Variants in CD177 observed in about 807,000 individuals in gnomAD.
CD177 encodes CD177 molecule, also known as CD177 antigen.
In CD177, 41 loss-of-function variants were observed where a neutral mutation model predicts 38.1. The observed-to-expected ratio is 1.07, with a 90% CI of 0.84 to 1.39. CD177 has a LOEUF of 1.39. Among genes scored for constraint, CD177 ranks in the 40% most tolerant of loss-of-function variants. CD177 has a pLI of 0.00. For missense variants in CD177, 619 were observed against 523.8 expected, an observed-to-expected ratio of 1.18 and a Z score of -1.77; for synonymous variants, 236 against 216.7, an observed-to-expected ratio of 1.09 and a Z score of -0.78.
chr19:43,362,357 AC>A lies in CD177; in HGVS notation c.*40del, dbSNP rs746854234. The A allele has an allele frequency of 1.0e-6, 1 of 956,240 alleles. No individual in the cohort carries two copies. Among genetic ancestry groups the A allele is most frequent in the Admixed American group, 2.3e-5 (1 of 43,670 alleles). The allele number at this position is 956,240 out of a possible 1,614,324, so 59.2% of individuals were successfully genotyped here. On this transcript the variant is annotated 3_prime_UTR_variant, in exon 9 of 9. Transcript: ENST00000618265. The stretch of plus-strand genomic sequence containing the variant: ...CCACGATTCTTCACCGCTGCTGACC[AC>A]CCACACTCAACCTCCCTCTGACCTC...
rs1178101365 is a variant in CD177, at chr19:43,353,961, G to A, written c.161G>A (p.Gly54Glu). 1.9e-6 allele frequency: 3 copies of A among 1,613,864 alleles called. No individual in the cohort carries two copies. The Admixed American group carries it at 5.0e-5, about 27-fold the overall frequency. Reference protein sequence around the residue: ...PKNTSCDSGLGCQDTLMLIES... With the variant: ...PKNTSCDSGLECQDTLMLIES... ...AACACCAGCTGCGACAGCGGCTTGG[G>A]GTGCCAGGACACGTTGATGCTCATT... Residue 54 changes from glycine to glutamate, a missense_variant, in exon 2 of 9, where the codon GGG becomes GAG. Coordinates refer to ENST00000618265, the MANE Select transcript of CD177 (RefSeq NM_020406.4).
chr19:43,355,835 G>A (rs374285742), intron 4 of CD177, 52 bp downstream of exon 4: 1 of 1,610,696 alleles, frequency 6.2e-7, no homozygotes, highest in Non-Finnish European at 8.5e-7. Context: ...AAGGTCTGGG[G>A]ACTGAGATCT....
chr19:43,364,089 A>G (rs1292617049), downstream of CD177, among the ~76,000 whole-genome samples: 1 of 152,140 alleles, frequency 6.6e-6, no homozygotes, highest in African/African-American at 2.4e-5. Flanking sequence ...CTCAAGGGGG[A>G]AAAATAAATC....
At chr19:43,354,627 C>T (rs1003408517) in intron 3 of CD177, 12 of 598,172 alleles carry the variant, frequency 2.0e-5, no homozygotes, top group South Asian at 1.2e-4. Flanking sequence ...CGCACCCCTC[C>T]TCTTCTAAGA....
Position 43,356,170 on chromosome 19 carries a change from C to T in CD177, c.619+62C>T, listed in dbSNP as rs1201522431. ...CCTCGGGGCACGATGACACATGGGG[C>T]ATCCAGAGCCATCACACCAAAGCCA... On this transcript the variant is annotated intron_variant, in intron 5 of 8. Transcript: ENST00000618265. The T allele has an allele frequency of 3.6e-5, 15 of 421,760 alleles. No homozygotes were observed. In the African/African-American group the frequency reaches 4.6e-4, roughly 13 times the overall value. 26.1% of individuals were successfully genotyped at this position (421,760 alleles called of 1,614,324 possible). A position where few individuals can be genotyped will look rare whatever the true frequency, so the allele number is the denominator to read the frequency against.
In CD177 at chr19:43,361,962, A is replaced by AGGAGCT; in HGVS notation, c.1082-117_1082-112dup. 4.3e-6 allele frequency: 3 copies of AGGAGCT among 702,764 alleles called. No individual in the cohort carries two copies. The South Asian group carries it at 5.8e-5, about 13-fold the overall frequency. The allele number at this position is 702,764 out of a possible 1,614,324, so 43.5% of individuals were successfully genotyped here. A position where few individuals can be genotyped will look rare whatever the true frequency, so the allele number is the denominator to read the frequency against. Reference sequence around the variant, plus strand: ...CTGGGGGCCTGGACCCCTGGGTCTGAGGAGCTGGAGCTGGGGGTCTGGGCT... The same window carrying AGGAGCT: ...CTGGGGGCCTGGACCCCTGGGTCTGAGGAGCTGGAGCTGGAGCTGGGGGTCTGGGCT... On this transcript the variant is annotated intron_variant, in intron 8 of 8. Coordinates refer to ENST00000618265, the MANE Select transcript of CD177 (RefSeq NM_020406.4).
Position 43,355,654 on chromosome 19 carries a change from T to A in CD177, c.380-7T>A. The A allele has an allele frequency of 6.2e-7, 1 of 1,612,582 alleles. No individual in the cohort carries two copies. The highest frequency in any genetic ancestry group is 8.5e-7 in the Non-Finnish European group (1 of 1,179,136). On this transcript the variant is annotated splice_region_variant and splice_polypyrimidine_tract_variant and intron_variant, in intron 3 of 8. Coordinates refer to ENST00000618265, the MANE Select transcript of CD177 (RefSeq NM_020406.4). ...GTGCCCCCTCACTCTGTCTGTCACT[T>A]TCCTAGACCCAGGATCCTTGAGGTG... is the stretch of plus-strand genomic sequence containing the variant.
rs1177941304 is a variant in CD177, at chr19:43,360,263, A to G, written c.620-2A>G. On this transcript the variant is annotated splice_acceptor_variant, in intron 5 of 8. Coordinates refer to ENST00000618265, the MANE Select transcript of CD177 (RefSeq NM_020406.4). LOFTEE classifies it high-confidence loss of function. ...CACACACCCTGGGATTCCTCTCCCC[A>G]GATTTTCTGACCTGTCATCGGGGGA... is the stretch of plus-strand genomic sequence containing the variant. 1 of 1,612,874 alleles carries G rather than the reference A, an allele frequency of 6.2e-7. No homozygotes were observed. The highest frequency in any genetic ancestry group is 1.1e-5 in the South Asian group (1 of 90,658).
chr19:43,360,229 C>T (rs372110739), intron 5 of CD177, 36 bp from the exon 6 acceptor site: 311 of 1,607,056 alleles, frequency 1.9e-4, no homozygotes, highest in Non-Finnish European at 2.4e-4. Context: ...ATGGTGGGTT[C>T]CTGGCTTACA....
chr19:43,353,733 C>G lies in CD177; in HGVS notation c.19C>G (p.Leu7Val). 6.2e-7 allele frequency: 1 copy of G among 1,613,892 alleles called. No individual in the cohort carries two copies. The highest frequency in any genetic ancestry group is 8.5e-7 in the Non-Finnish European group (1 of 1,179,848). Residue 7 changes from leucine (L) to valine (V), a missense_variant, in exon 1 of 9, where the codon CTG becomes GTG. Physicochemically the swap from Leu to Val is conservative, Grantham distance 32. Transcript: ENST00000618265. MSAVLL[L>V]ALLGFILPLP... ...ACGGGTCATGAGCGCGGTATTACTG[C>G]TGGCCCTCCTGGGGTTCATCCTCCC...
At chr19:43,363,940 A>G (rs1970008209), downstream of CD177, among the ~76,000 whole-genome samples, 1 of 152,114 alleles carries the variant, frequency 6.6e-6, no homozygotes, top group South Asian at 2.1e-4. Flanking sequence ...AATACAAAAA[A>G]TAAGCCGGGT....
At position 43,354,294 on chromosome 19, in the gene CD177, G is replaced by A. The variant is rs1396984894; in HGVS notation, c.281G>A (p.Gly94Asp). ...PRVTEHRMGP[G>D]LSLISYTFVC... ...GTCACTGAGCACCGGATGGGCCCCG[G>A]CCTCTCCCTGATCTCCTACACCTTC... Residue 94 changes from glycine to aspartate, a missense_variant, in exon 3 of 9, where the codon GGC becomes GAC. Coordinates refer to ENST00000618265, the MANE Select transcript of CD177 (RefSeq NM_020406.4). 5 of 1,613,806 alleles carry A rather than the reference G, an allele frequency of 3.1e-6. No homozygotes were observed. The highest frequency in any genetic ancestry group is 2.2e-5 in the East Asian group (1 of 44,894).
intron 3 of CD177, 43 bp from the exon 4 acceptor site, chr19:43,355,618 G>C (rs558151704): frequency 1.9e-5 from 30 of 1,610,802 alleles, no homozygotes; most frequent in Admixed American, 5.0e-5. Context: ...ATCAAATCCA[G>C]TGCCCTCTCA....
At position 43,360,359 on chromosome 19, in the gene CD177, C is replaced by G. The variant is rs766571128; in HGVS notation, c.714C>G (p.Cys238Trp). The change falls in exon 6 of 9, where the codon TGC becomes TGG. Residue 238 changes from cysteine (C) to tryptophan (W), a missense_variant. Coordinates refer to ENST00000618265, the MANE Select transcript of CD177 (RefSeq NM_020406.4). Reference sequence around the variant, plus strand: ...GGACCACATCGAATACCGAGATGTGCGAGGTGGGGCAGGTGTGTCAGGAGA... The same window carrying G: ...GGACCACATCGAATACCGAGATGTGGGAGGTGGGGCAGGTGTGTCAGGAGA... ...TDWTTSNTEM[C>W]EVGQVCQETL... 10 of 1,610,024 alleles carry G rather than the reference C, an allele frequency of 6.2e-6. No individual in the cohort carries two copies. Among genetic ancestry groups the G allele is most frequent in the Non-Finnish European group, 8.5e-6 (10 of 1,178,256 alleles).
rs1453460466 is a variant in CD177, at chr19:43,361,281, A to G, written c.899A>G (p.Asn300Ser). 8 of 1,554,630 alleles carry G rather than the reference A, an allele frequency of 5.1e-6. No homozygotes were observed. The highest frequency in any genetic ancestry group is 7.1e-6 in the Non-Finnish European group (8 of 1,132,114). ...CACTTCTGCTCCTCGGACCTGTGCA[A>G]TAGTGCCAGCAGCAGCAGCGTTCTG... Reference protein sequence around the residue: ...YTHFCSSDLCNSASSSSVLLN... With the variant: ...YTHFCSSDLCSSASSSSVLLN... The change falls in exon 7 of 9, where the codon AAT becomes AGT. Residue 300 changes from asparagine to serine, a missense_variant. Transcript: ENST00000618265.
chr19:43,364,572 G>A (rs979565581), downstream of CD177, among the ~76,000 whole-genome samples: 103 of 141,224 alleles, frequency 7.3e-4, 2 homozygotes, highest in Non-Finnish European at 1.4e-3. Context: ...GCAGAGTGAC[G>A]TCTCCTTTGC....
rs756402380 is a variant in CD177, at chr19:43,355,749, A to T, written c.468A>T (p.Thr156=). 5.6e-6 allele frequency: 9 copies of T among 1,613,140 alleles called. No homozygotes were observed. The highest frequency in any genetic ancestry group is 7.6e-6 in the Non-Finnish European group (9 of 1,179,438). ...AAGAGATCTGCCCCAAGGGGACCACACACTGTTATGATGGCCTCCTCAGGC... is the reference window on the plus strand; with the variant it reads ...AAGAGATCTGCCCCAAGGGGACCACTCACTGTTATGATGGCCTCCTCAGGC... ...TTEEICPKGT[T]HCYDGLLRLR... Residue 156 remains threonine, a synonymous_variant, in exon 4 of 9, where the codon ACA becomes ACT. Transcript: ENST00000618265.
At chr19:43,364,378 A>G (rs1372457417), downstream of CD177, among the ~76,000 whole-genome samples, 1 of 152,232 alleles carries the variant, frequency 6.6e-6, no homozygotes, top group African/African-American at 2.4e-5. Flanking sequence ...AGTGTAACCC[A>G]AATCTTGATT....
chr19:43,354,118 C>A (rs2122238046), intron 2 of CD177, 89 bp from the exon 3 acceptor site: 4 of 1,560,610 alleles, frequency 2.6e-6, no homozygotes, highest in East Asian at 2.3e-5. Flanking sequence ...CCCTTTCCAG[C>A]CTCTCAGCCT....
Sources: gnomAD v4.1 joint callset for allele counts (sites outside exome capture counted in the v4.1 genomes callset) on GRCh38, gnomAD v4.1.1 for gene constraint, MANE v1.5 for transcripts, NCBI Gene and HGNC (gene_info 2026-07-23, HGNC 2026-07-21) for gene names.